The following TSC2 variants were observed in gnomAD, a reference collection of about 807,000 sequenced individuals.
The protein encoded by TSC2 is tuberin.
Under a neutral mutation model 202.2 loss-of-function variants are expected in TSC2, and 29 were observed. That is an observed-to-expected ratio of 0.14 (90% confidence interval 0.11 to 0.20). The LOEUF (loss-of-function observed/expected upper bound fraction) is 0.20. TSC2 is among the 10% of genes least tolerant of loss of function. The pLI, the probability that TSC2 is intolerant of heterozygous loss-of-function variation, is 1.00. For missense variants in TSC2, 2,429 were observed against 2,420.0 expected, an observed-to-expected ratio of 1.00 and a Z score of -0.08; for synonymous variants, 1,349 against 1,044.0, an observed-to-expected ratio of 1.29 and a Z score of -5.63.
In TSC2 at chr16:2,088,542, C is replaced by A. The variant is rs371543182; in HGVS notation, c.5356C>A (p.Pro1786Thr). 6.2e-7 allele frequency: 1 copy of A among 1,612,224 alleles called. No homozygotes were observed. The highest frequency in any genetic ancestry group is 1.7e-5 in the Admixed American group (1 of 60,022). ...TGCACAGACTCCAGCCGAGCCCACA[C>A]CTGGCTATGAGGTGGGCCAGCGGAA... is the stretch of plus-strand genomic sequence containing the variant. Reference protein sequence around the residue: ...APAQTPAEPTPGYEVGQRKRL... With the variant: ...APAQTPAEPTTGYEVGQRKRL... Residue 1786 changes from proline (P) to threonine (T), a missense_variant, in exon 42 of 42, where the codon CCT (proline) becomes ACT (threonine). By Grantham distance (38) the Pro-to-Thr change is conservative. Coordinates refer to ENST00000219476, the MANE Select transcript of TSC2 (RefSeq NM_000548.5).
At chr16:2,063,088 G>A (rs2086842321) in intron 14 of TSC2, 35 bp downstream of exon 14, 2 of 1,550,454 alleles carry the variant, frequency 1.3e-6, no homozygotes, top group Non-Finnish European at 1.7e-6. Flanking sequence ...GGGGGCTCAG[G>A]GCTATTTCTC....
chr16:2,070,514 G>C lies in TSC2; in HGVS notation c.1775G>C (p.Ser592Thr). 1 of 1,613,408 alleles carries C rather than the reference G, an allele frequency of 6.2e-7. No homozygotes were observed. The highest frequency in any genetic ancestry group is 8.5e-7 in the Non-Finnish European group (1 of 1,180,038). Residue 592 changes from serine to threonine, a missense_variant, in exon 17 of 42, where the codon AGC becomes ACC. Transcript: ENST00000219476. The part of the protein sequence containing the change: ...HATRVYEMLV[S>T]HIQLHYKHSY... The stretch of plus-strand genomic sequence containing the variant: ...ACGCGTGTGTATGAGATGCTGGTCA[G>C]CCACATTCAGCTCCACTACAAGCAC...
chr16:2,070,316 G>C, intron 16 of TSC2, 140 bp from the exon 17 acceptor site: 11 of 1,426,066 alleles, frequency 7.7e-6, no homozygotes, highest in Non-Finnish European at 1.1e-5. Flanking sequence ...GAGTCCTGGT[G>C]GTCCTGGGTT....
intron 9 of TSC2, 61 bp downstream of exon 9, chr16:2,057,239 A>G: frequency 6.5e-7 from 1 of 1,541,546 alleles, no homozygotes; most frequent in Non-Finnish European, 8.8e-7. Context: ...GGGCAGCTCC[A>G]GTGTCCCTTG....
At chr16:2,055,558 T>C in intron 6 of TSC2, 39 bp downstream of exon 6, 2 of 1,573,440 alleles carry the variant, frequency 1.3e-6, no homozygotes, top group Non-Finnish European at 1.7e-6. Flanking sequence ...ATAATGGTCC[T>C]AAGTTCAGCT....
Position 2,048,033 on chromosome 16 carries a change from G to T in TSC2, c.-62G>T. 4.2e-6 allele frequency: 6 copies of T among 1,432,192 alleles called. No individual in the cohort carries two copies. The highest frequency in any genetic ancestry group is 5.5e-6 in the Non-Finnish European group (6 of 1,100,256). 88.7% of individuals were successfully genotyped at this position (1,432,192 alleles called of 1,614,324 possible). ...AGGGGGGTGCGCCTTTCTCCGCGTC[G>T]GGGCGGCCCGGAGCGCGGTGGCGCG... On this transcript the variant is annotated 5_prime_UTR_variant, in exon 1 of 42. Transcript: ENST00000219476.
chr16:2,053,590 G>T, intron 4 of TSC2, 138 bp downstream of exon 4: 1 of 892,368 alleles, frequency 1.1e-6, no homozygotes, highest in Non-Finnish European at 1.8e-6. Flanking sequence ...TCTGGAGCTG[G>T]ATGGCCTGTG....
intron 2 of TSC2, 116 bp downstream of exon 2, chr16:2,048,869 G>C: frequency 6.9e-7 from 1 of 1,442,986 alleles, no homozygotes; most frequent in East Asian, 2.3e-5. Context: ...ACACAGGAAT[G>C]CTGTCTCCAG....
intron 9 of TSC2, 129 bp from the exon 10 acceptor site, chr16:2,058,618 G>T (rs866862917): frequency 3.6e-6 from 5 of 1,399,772 alleles, no homozygotes; most frequent in African/African-American, 1.4e-5. Context: ...TTCCCCAGCG[G>T]TGCTCCTGCC....
intron 38 of TSC2, among the ~76,000 whole-genome samples, chr16:2,087,556 A>C (rs959863535): frequency 1.3e-5 from 2 of 150,768 alleles, no homozygotes; most frequent in Non-Finnish European, 2.9e-5. Context: ...GGCTCACTTC[A>C]TGGCTGGGCA....
rs60447875 is a variant in TSC2, at chr16:2,067,630, C to T, written c.1716+1995C>T. Among the ~76,000 whole-genome samples, 6 of 152,134 alleles carry T rather than the reference C, an allele frequency of 3.9e-5. No individual in the cohort carries two copies. In the South Asian group the frequency reaches 6.2e-4, roughly 16 times the overall value. ...TACTAAAAATACAAAATTAGCCGGGCGTGGTGGCGCATGCCTGTAGTCCCA... is the reference window on the plus strand; with the variant it reads ...TACTAAAAATACAAAATTAGCCGGGTGTGGTGGCGCATGCCTGTAGTCCCA... On this transcript the variant is annotated intron_variant, in intron 16 of 41. Transcript: ENST00000219476.
rs1323588796 is a variant in TSC2 at position 2,062,508 on chromosome 16, C to T, written c.1269C>T (p.Leu423=). 1.2e-6 allele frequency: 2 copies of T among 1,610,668 alleles called. No homozygotes were observed. The highest frequency in any genetic ancestry group is 1.7e-6 in the Non-Finnish European group (2 of 1,178,428). The change falls in exon 13 of 42, where the codon CTC becomes CTT. Residue 423 remains leucine, a synonymous_variant. Transcript: ENST00000219476. ...RCADQRPESS[L]LNLISYRAQS... ...TCTTCTTTTGACAGGAGTCCTCCCT[C>T]CTGAACCTGATCTCCTATAGAGCGC...
rs556106359 is a variant in TSC2 at position 2,086,481 on chromosome 16, C to A, written c.4849+102C>A. On this transcript the variant is annotated intron_variant, in intron 37 of 41. Coordinates refer to ENST00000219476, the MANE Select transcript of TSC2 (RefSeq NM_000548.5). ...CCCTGGGGCATGGCCCTGGCACCCC[C>A]ACCTGCTCCAGCTCCCCACGCCTCA... The A allele has an allele frequency of 2.3e-5, 35 of 1,500,784 alleles. No homozygotes were observed. The African/African-American group carries it at 4.3e-4, about 18-fold the overall frequency. 93.0% of individuals were successfully genotyped at this position (1,500,784 alleles called of 1,614,324 possible). A position where few individuals can be genotyped will look rare whatever the true frequency, so the allele number is the denominator to read the frequency against.
Position 2,088,629 on chromosome 16 carries a change from T to A in TSC2, c.*19T>A, listed in dbSNP as rs1365017011. 1 of 1,596,602 alleles carries A rather than the reference T, an allele frequency of 6.3e-7. No homozygotes were observed. Among genetic ancestry groups the A allele is most frequent in the African/African-American group, 1.3e-5 (1 of 74,694 alleles). ...TGTGTGAGGCCGGGGCCCTCCCTCC[T>A]GCACTGGCCTTGGACGGTATTGCCT... On this transcript the variant is annotated 3_prime_UTR_variant, in exon 42 of 42. Transcript: ENST00000219476.
chr16:2,048,011 G>C lies in TSC2; in HGVS notation c.-84G>C, dbSNP rs991554520. 3.6e-5 allele frequency: 53 copies of C among 1,471,546 alleles called. No individual in the cohort carries two copies. The highest frequency in any genetic ancestry group is 3.6e-4 in the Middle Eastern group (2 of 5,594). 91.2% of individuals were successfully genotyped at this position (1,471,546 alleles called of 1,614,324 possible). On this transcript the variant is annotated 5_prime_UTR_variant, in exon 1 of 42. Coordinates refer to ENST00000219476, the MANE Select transcript of TSC2 (RefSeq NM_000548.5). Reference sequence around the variant, plus strand: ...CTTCCGGCGGCGTCCCGGGGCCAGGGGGGTGCGCCTTTCTCCGCGTCGGGG... The same window carrying C: ...CTTCCGGCGGCGTCCCGGGGCCAGGCGGGTGCGCCTTTCTCCGCGTCGGGG...
chr16:2,060,310 C>CT (rs1202965211), intron 10 of TSC2, among the ~76,000 whole-genome samples: 1 of 152,212 alleles, frequency 6.6e-6, no homozygotes, highest in Non-Finnish European at 1.5e-5. Context: ...CTGCTACCCC[C>CT]CTCCCCGTAG....
At position 2,074,546 on chromosome 16, in the gene TSC2, G is replaced by C. The variant is rs9941195; in HGVS notation, c.2545+157G>C. On this transcript the variant is annotated intron_variant, in intron 22 of 41. Transcript: ENST00000219476. ...GGGCGTCTCTGCCCGGCTGCCATGA[G>C]TGCTCTCCTTCCTGGCTTTGAGGGG... 12,874 of 896,286 alleles carry C rather than the reference G, an allele frequency of 0.014. 1,105 individuals are homozygous for C. In the African/African-American group the frequency reaches 0.18, roughly 13 times the overall value. 55.5% of individuals were successfully genotyped at this position (896,286 alleles called of 1,614,324 possible). A position where few individuals can be genotyped will look rare whatever the true frequency, so the allele number is the denominator to read the frequency against.
At chr16:2,088,181 C>T (rs762873641) in intron 40 of TSC2, 42 bp downstream of exon 40, 4 of 1,612,826 alleles carry the variant, frequency 2.5e-6, no homozygotes, top group South Asian at 2.2e-5. Context: ...TGGGACAGGC[C>T]CAGGTGCCAC....
chr16:2,088,067 C>T lies in TSC2; in HGVS notation c.5088C>T (p.Asp1696=), dbSNP rs766472320. 7 of 1,612,792 alleles carry T rather than the reference C, an allele frequency of 4.3e-6. No homozygotes were observed. The East Asian group carries it at 1.3e-4, about 31-fold the overall frequency. ...CCCCAGACATGGAGGGCCTTGTGGA[C>T]ACCAGCGTGGCCAAGATCGTGTCTG... ...QCRKDMEGLV[D]TSVAKIVSDR... The change falls in exon 40 of 42, where the codon GAC becomes GAT. Residue 1696 remains aspartate (D), a synonymous_variant. Transcript: ENST00000219476.
Sources: gnomAD v4.1 joint callset for allele counts (sites outside exome capture counted in the v4.1 genomes callset) on GRCh38, gnomAD v4.1.1 for gene constraint, MANE v1.5 for transcripts, NCBI Gene and HGNC (gene_info 2026-07-23, HGNC 2026-07-21) for gene names.